The following NPHP1 variants were observed in gnomAD, a reference collection of about 807,000 sequenced individuals.
The protein encoded by NPHP1 is nephrocystin-1.
In NPHP1, 70 loss-of-function variants were observed where a neutral mutation model predicts 90.4. That is an observed-to-expected ratio of 0.77 (90% CI 0.64 to 0.95). NPHP1 has a LOEUF of 0.95. Ranked by LOEUF, NPHP1 falls within the 40% of genes least tolerant of loss-of-function variation. NPHP1 has a pLI of 0.00. For synonymous variants in NPHP1, 256 were observed against 271.7 expected (o/e 0.94, Z 0.57); for missense variants, 764 against 795.9 (o/e 0.96, Z 0.48).
chr2:110,174,389 G>A (rs756430550), intron 4 of NPHP1, among the ~76,000 whole-genome samples: 32 of 151,846 alleles, frequency 2.1e-4, no homozygotes, highest in Admixed American at 7.2e-4. Context: ...GTATTATTTT[G>A]TTAGTGATTG....
intron 1 of NPHP1, among the ~76,000 whole-genome samples, chr2:110,203,458 C>T (rs935418019): frequency 6.6e-6 from 1 of 152,220 alleles, no homozygotes. Context: ...TTAAGATCCA[C>T]CGAAGTTCAG....
At chr2:110,144,466 A>G (rs1488331414) in intron 15 of NPHP1, 27 bp downstream of exon 15, 2 of 1,462,516 alleles carry the variant, frequency 1.4e-6, no homozygotes, top group Non-Finnish European at 1.9e-6. Flanking sequence ...TCTTTAAGGA[A>G]AGGAAGACAA....
At chr2:110,133,136 C>T (rs1036995589) in intron 16 of NPHP1, among the ~76,000 whole-genome samples, 11 of 151,870 alleles carry the variant, frequency 7.2e-5, no homozygotes, top group African/African-American at 2.7e-4. Context: ...TAAAAAAACA[C>T]GATTTAATTA....
rs182254757 is a variant in NPHP1, at chr2:110,198,602, C to A, written c.143+2819G>T. ...GGATTCTTCCCTAAAAACAAAAAAA[C>A]AAACAAAAACAATTAACAAACGACC... On this transcript the variant is annotated intron_variant, in intron 2 of 19. Coordinates refer to ENST00000445609, the MANE Select transcript of NPHP1 (RefSeq NM_001128178.3). 6.6e-4 allele frequency among the ~76,000 whole-genome samples: 101 copies of A among 152,142 alleles called. 3 individuals carry two copies. The East Asian group carries it at 0.019, about 28-fold the overall frequency.
At chr2:110,195,492 A>G (rs1350035389) in intron 2 of NPHP1, among the ~76,000 whole-genome samples, 3 of 152,178 alleles carry the variant, frequency 2.0e-5, no homozygotes, top group Non-Finnish European at 4.4e-5. Flanking sequence ...CCACTGCTCA[A>G]TGAAATAAAA....
intron 9 of NPHP1, among the ~76,000 whole-genome samples, chr2:110,162,197 C>T (rs1427336501): frequency 1.3e-5 from 2 of 152,078 alleles, no homozygotes; most frequent in Non-Finnish European, 2.9e-5. Flanking sequence ...AAAGATAAAT[C>T]AGAGATATGT....
rs1006566702 is a variant in NPHP1 at position 110,183,290 on chromosome 2, G to A, written c.144-3606C>T. 7.9e-5 allele frequency among the ~76,000 whole-genome samples: 12 copies of A among 152,132 alleles called. 1 individual carries two copies. The highest frequency in any genetic ancestry group is 4.6e-4 in the Admixed American group (7 of 15,284). ...GGAAAGGAACACCTGGCCCACCCAGGGCGGAAAACTGCTTAAAGGCATTCC... is the reference window on the plus strand; with the variant it reads ...GGAAAGGAACACCTGGCCCACCCAGAGCGGAAAACTGCTTAAAGGCATTCC... On this transcript the variant is annotated intron_variant, in intron 2 of 19. Coordinates refer to ENST00000445609, the MANE Select transcript of NPHP1 (RefSeq NM_001128178.3).
At chr2:110,198,643 C>A (rs1189375570) in intron 2 of NPHP1, among the ~76,000 whole-genome samples, 1 of 152,092 alleles carries the variant, frequency 6.6e-6, no homozygotes, top group East Asian at 1.9e-4. Flanking sequence ...AGAATCATGA[C>A]TGCTAAAGAA....
chr2:110,187,033 G>T (rs1306061341), intron 2 of NPHP1, among the ~76,000 whole-genome samples: 2 of 152,088 alleles, frequency 1.3e-5, no homozygotes, highest in East Asian at 3.9e-4. Context: ...GTGTTCAGAG[G>T]AAAATTTATA....
At chr2:110,157,207 T>C (rs1241994213) in intron 11 of NPHP1, among the ~76,000 whole-genome samples, 2 of 152,314 alleles carry the variant, frequency 1.3e-5, no homozygotes, top group Middle Eastern at 3.4e-3. Flanking sequence ...ATTTCTTTCA[T>C]AAAGTAAATT....
intron 4 of NPHP1, chr2:110,178,164 G>T: frequency 3.9e-6 from 2 of 513,174 alleles, no homozygotes; most frequent in African/African-American, 1.9e-5. Flanking sequence ...TCTAACATTT[G>T]TTCATTTAGC....
chr2:110,139,381 T>C (rs1355409628), intron 16 of NPHP1, among the ~76,000 whole-genome samples: 1 of 152,160 alleles, frequency 6.6e-6, no homozygotes, highest in Non-Finnish European at 1.5e-5. Flanking sequence ...GAAAAATAGC[T>C]CCAAAAGACA....
chr2:110,164,806 A>T, intron 7 of NPHP1, 76 bp from the exon 8 acceptor site: 4 of 1,249,534 alleles, frequency 3.2e-6, no homozygotes, highest in Non-Finnish European at 4.7e-6. Flanking sequence ...CTTTAATCAC[A>T]GTTGATAATC....
At chr2:110,181,515 TG>T (rs754998988) in intron 2 of NPHP1, among the ~76,000 whole-genome samples, 1 of 152,156 alleles carries the variant, frequency 6.6e-6, no homozygotes, top group Non-Finnish European at 1.5e-5. Context: ...AATTAGGGTC[TG>T]GGGTACAGCA....
intron 2 of NPHP1, among the ~76,000 whole-genome samples, chr2:110,200,071 C>T (rs538547496): frequency 4.5e-4 from 68 of 150,282 alleles, no homozygotes; most frequent in Admixed American, 8.6e-4. Context: ...CTGGCTAGCA[C>T]GGTGAAACCC....
Position 110,125,679 on chromosome 2 carries a change from A to T in NPHP1, c.1719T>A (p.Ser573Arg). 1 of 1,613,074 alleles carries T rather than the reference A, an allele frequency of 6.2e-7. No individual in the cohort carries two copies. Among genetic ancestry groups the T allele is most frequent in the South Asian group, 1.1e-5 (1 of 91,058 alleles). The change falls in exon 19 of 20, where the codon AGT becomes AGA. Residue 573 changes from serine to arginine, a missense_variant and splice_region_variant. Coordinates refer to ENST00000445609, the MANE Select transcript of NPHP1 (RefSeq NM_001128178.3). ...EQPDVMDALRSSWAGKESTLK... is the reference protein window; with the variant it reads ...EQPDVMDALRRSWAGKESTLK... ...ATGTGCTTTCTTTTCCAGCCCACGA[A>T]CTCTAAAGAGCAAACAGAAATATTA...
chr2:110,164,487 C>CAAAAAA, intron 8 of NPHP1: 3 of 881,800 alleles, frequency 3.4e-6, no homozygotes, highest in Non-Finnish European at 3.6e-6. Flanking sequence ...TCTTTTTGTA[C>CAAAAAA]AAAAAAAAAA....
intron 18 of NPHP1, chr2:110,125,986 A>C: frequency 2.4e-6 from 1 of 413,040 alleles, no homozygotes; most frequent in South Asian, 2.5e-5. Context: ...ACAGCACCTG[A>C]ATAATAAAAT....
At position 110,163,633 on chromosome 2, in the gene NPHP1, A is replaced by T. The variant is rs147207170; in HGVS notation, c.772-498T>A. 88 of 159,792 alleles carry T rather than the reference A, an allele frequency of 5.5e-4. No homozygotes were observed. In the East Asian group the frequency reaches 0.014, roughly 26 times the overall value. The allele number at this position is 159,792 out of a possible 1,614,324, so 9.9% of individuals were successfully genotyped here. A position where few individuals can be genotyped will look rare whatever the true frequency, so the allele number is the denominator to read the frequency against. Reference sequence around the variant, plus strand: ...TTAATGGTGATTACTTATGAGTTTGAGGAAGAGAATTTTCATTTGGCTATG... The same window carrying T: ...TTAATGGTGATTACTTATGAGTTTGTGGAAGAGAATTTTCATTTGGCTATG... On this transcript the variant is annotated intron_variant, in intron 8 of 19. Coordinates refer to ENST00000445609, the MANE Select transcript of NPHP1 (RefSeq NM_001128178.3).
Sources: gnomAD v4.1 joint callset for allele counts (sites outside exome capture counted in the v4.1 genomes callset) on GRCh38, gnomAD v4.1.1 for gene constraint, MANE v1.5 for transcripts, NCBI Gene and HGNC (gene_info 2026-07-23, HGNC 2026-07-21) for gene names.